MEGF6: variants seen among roughly 807,000 people sequenced by gnomAD.
The protein encoded by MEGF6 is multiple epidermal growth factor-like domains protein 6.
Under a neutral mutation model 207.1 loss-of-function variants are expected in MEGF6, and 184 were observed. The ratio of observed to expected loss-of-function variants is 0.89; its 90% CI spans 0.79 to 1.00. The LOEUF (loss-of-function observed/expected upper bound fraction) is 1.00, where lower values mean the gene tolerates loss of function less well. Ranked by LOEUF, MEGF6 falls within the 50% of genes least tolerant of loss-of-function variation. The pLI is 0.00. For synonymous variants in MEGF6, 1,038 were observed against 910.0 expected (o/e 1.14, Z -2.53); for missense variants, 2,282 against 2,202.9 (o/e 1.04, Z -0.72).
intron 4 of MEGF6, among the ~76,000 whole-genome samples, chr1:3,559,811 A>G (rs1461862402): frequency 6.6e-6 from 1 of 152,020 alleles, no homozygotes; most frequent in African/African-American, 2.4e-5. Context: ...GGAGTTCAAG[A>G]CCAGCCTGGC....
chr1:3,504,036 C>G (rs994774023), intron 17 of MEGF6, among the ~76,000 whole-genome samples: 1 of 151,964 alleles, frequency 6.6e-6, no homozygotes, highest in African/African-American at 2.4e-5. Context: ...TTCTCATTCC[C>G]CAGATGGAGG....
chr1:3,541,589 G>A (rs900149363), intron 4 of MEGF6, among the ~76,000 whole-genome samples: 6 of 152,170 alleles, frequency 3.9e-5, no homozygotes, highest in South Asian at 2.1e-4. Flanking sequence ...TGGGCTCCGC[G>A]GGAGAGGCAC....
At chr1:3,519,584 G>A (rs888610009) in intron 5 of MEGF6, among the ~76,000 whole-genome samples, 6 of 152,236 alleles carry the variant, frequency 3.9e-5, no homozygotes, top group African/African-American at 7.2e-5. Flanking sequence ...TTAGGAAGGC[G>A]CCTTACTTGT....
Position 3,509,135 on chromosome 1 carries a change from C to T in MEGF6, c.1468G>A (p.Val490Ile), listed in dbSNP as rs371301618. 1.1e-4 allele frequency: 179 copies of T among 1,599,206 alleles called. 1 individual carries two copies. In the Middle Eastern group the frequency reaches 1.2e-3, roughly 10 times the overall value. ...ELPQLFQDDDVGADEEEAELR... is the reference protein window; with the variant it reads ...ELPQLFQDDDIGADEEEAELR... ...TCTGCCTCTTCCTCATCGGCCCCGACGTCGTCATCCTGGAAGAGTTGCGGC... is the reference window on the plus strand; with the variant it reads ...TCTGCCTCTTCCTCATCGGCCCCGATGTCGTCATCCTGGAAGAGTTGCGGC... Residue 490 changes from valine to isoleucine, a missense_variant, in exon 12 of 37, where the codon GTC becomes ATC. By Grantham distance (29) the Val-to-Ile change is conservative. Coordinates refer to ENST00000356575, the MANE Select transcript of MEGF6 (RefSeq NM_001409.4).
intron 6 of MEGF6, 101 bp from the exon 7 acceptor site, chr1:3,514,773 T>TCCCCACTCTGTGCTCC: frequency 6.8e-6 from 9 of 1,315,002 alleles, no homozygotes; most frequent in Non-Finnish European, 9.1e-6. Context: ...CCCAGTGCTC[T>TCCCCACTCTGTGCTCC]CCCCACTCTG....
chr1:3,574,252 C>T lies in MEGF6; in HGVS notation c.481+5573G>A, dbSNP rs564307363. Among the ~76,000 whole-genome samples, 63 of 152,214 alleles carry T rather than the reference C, an allele frequency of 4.1e-4. No homozygotes were observed. The South Asian group carries it at 0.011, about 26-fold the overall frequency. ...CCCAGCAACGCCTGGCTCCATCTCA[C>T]CGAGAGAGGCCGAGGACCTTCTAGA... On this transcript the variant is annotated intron_variant, in intron 4 of 36. Transcript: ENST00000356575.
intron 4 of MEGF6, among the ~76,000 whole-genome samples, chr1:3,559,714 A>G (rs1474513292): frequency 1.3e-5 from 2 of 152,014 alleles, no homozygotes; most frequent in Admixed American, 1.3e-4. Context: ...GAAAGCACCA[A>G]AATAAGCACT....
chr1:3,540,533 C>A (rs570770230), intron 4 of MEGF6, among the ~76,000 whole-genome samples: 9 of 152,212 alleles, frequency 5.9e-5, no homozygotes, highest in Non-Finnish European at 1.0e-4. Context: ...TCTTTCCCTG[C>A]GAGGGCAGCC....
chr1:3,552,798 G>A (rs1320604933), intron 4 of MEGF6, among the ~76,000 whole-genome samples: 1 of 152,168 alleles, frequency 6.6e-6, no homozygotes, highest in African/African-American at 2.4e-5. Flanking sequence ...CACCCACCGG[G>A]CCCAGACCCC....
intron 4 of MEGF6, among the ~76,000 whole-genome samples, chr1:3,554,304 G>C (rs1642973311): frequency 6.6e-6 from 1 of 152,184 alleles, no homozygotes; most frequent in Non-Finnish European, 1.5e-5. Context: ...CTCCGAGAGA[G>C]TGTCGCTGGG....
rs534661276 is a variant in MEGF6 at position 3,555,704 on chromosome 1, A to G, written c.481+24121T>C. Among the ~76,000 whole-genome samples the G allele has an allele frequency of 1.3e-4, 20 of 152,240 alleles. No homozygotes were observed. The South Asian group carries it at 1.4e-3, about 11-fold the overall frequency. On this transcript the variant is annotated intron_variant, in intron 4 of 36. Coordinates refer to ENST00000356575, the MANE Select transcript of MEGF6 (RefSeq NM_001409.4). ...CCTTCTCCAGCCCGCCCTGCCCCGC[A>G]GGGCTGCCAGGTCAGGTGCCTGCTG...
chr1:3,539,731 G>A (rs1642454152), intron 4 of MEGF6, among the ~76,000 whole-genome samples: 1 of 152,170 alleles, frequency 6.6e-6, no homozygotes, highest in African/African-American at 2.4e-5. Flanking sequence ...CCTTGGCTTG[G>A]TGACAGAAGC....
chr1:3,608,441 C>T (rs751863905), intron 1 of MEGF6, among the ~76,000 whole-genome samples: 1 of 152,124 alleles, frequency 6.6e-6, no homozygotes, highest in Non-Finnish European at 1.5e-5. Context: ...AGGCCTCAGG[C>T]TCACGAATGG....
chr1:3,539,348 G>A (rs1194252474), intron 4 of MEGF6, among the ~76,000 whole-genome samples: 1 of 152,094 alleles, frequency 6.6e-6, no homozygotes, highest in Admixed American at 6.5e-5. Flanking sequence ...CGGGGTGGCT[G>A]TGGGAGATAA....
chr1:3,612,054 C>G (rs905876472), upstream of MEGF6, among the ~76,000 whole-genome samples: 8 of 152,204 alleles, frequency 5.3e-5, no homozygotes, highest in African/African-American at 1.9e-4. Flanking sequence ...ACACCTCACC[C>G]ACTTCCCGCA....
chr1:3,586,069 G>A (rs572324705), intron 3 of MEGF6, among the ~76,000 whole-genome samples: 10 of 149,320 alleles, frequency 6.7e-5, no homozygotes, highest in Admixed American at 4.0e-4. Context: ...GTGGACACAC[G>A]TGCTGTGTGT....
chr1:3,505,876 A>G (rs540431722), intron 15 of MEGF6, among the ~76,000 whole-genome samples: 38 of 152,322 alleles, frequency 2.5e-4, no homozygotes, highest in African/African-American at 9.1e-4. Flanking sequence ...GCTGGGAGGC[A>G]CAAGGTTGGG....
chr1:3,496,848 G>A, intron 28 of MEGF6, 65 bp from the exon 29 acceptor site: 1 of 1,529,910 alleles, frequency 6.5e-7, no homozygotes, highest in Admixed American at 2.0e-5. Flanking sequence ...CCTGAACACA[G>A]CAAGGCAGCT....
rs576531223 is a variant in MEGF6 at position 3,553,813 on chromosome 1, G to C, written c.481+26012C>G. Reference sequence around the variant, plus strand: ...GCACTGGAAAGTCACCCCTTCAGGAGGGGTGGGCAGCCTCTCACCCCGCTG... The same window carrying C: ...GCACTGGAAAGTCACCCCTTCAGGACGGGTGGGCAGCCTCTCACCCCGCTG... On this transcript the variant is annotated intron_variant, in intron 4 of 36. Transcript: ENST00000356575. Among the ~76,000 whole-genome samples, 31 of 152,332 alleles carry C rather than the reference G, an allele frequency of 2.0e-4. No individual in the cohort carries two copies. The South Asian group carries it at 5.8e-3, about 28-fold the overall frequency.
Sources: gnomAD v4.1 joint callset for allele counts (sites outside exome capture counted in the v4.1 genomes callset) on GRCh38, gnomAD v4.1.1 for gene constraint, MANE v1.5 for transcripts, NCBI Gene and HGNC (gene_info 2026-07-23, HGNC 2026-07-21) for gene names.